MAP4: variants seen among roughly 807,000 people sequenced by gnomAD.
MAP4 encodes microtubule-associated protein 4.
Under a neutral mutation model 170.2 loss-of-function variants are expected in MAP4, and 76 were observed. That is an observed-to-expected ratio of 0.45 (90% CI 0.37 to 0.54). The LOEUF is 0.54. Ranked by LOEUF, MAP4 falls within the 20% of genes least tolerant of loss-of-function variation. The probability of loss-of-function intolerance (pLI) is 0.00; values close to 1 mark genes in which losing one functional copy is unlikely to be tolerated. For synonymous variants in MAP4, 909 were observed against 994.5 expected, an observed-to-expected ratio of 0.91 and a Z score of 1.62; for missense variants, 2,506 against 2,748.0, an observed-to-expected ratio of 0.91 and a Z score of 1.97.
intron 3 of MAP4, chr3:47,973,083 G>C (rs1456293436): frequency 1.0e-6 from 1 of 980,598 alleles, no homozygotes; most frequent in African/African-American, 1.8e-5. Flanking sequence ...AGTCCATAAG[G>C]TGTTAATGTA....
intron 1 of MAP4, among the ~76,000 whole-genome samples, chr3:48,008,555 G>A (rs1366383864): frequency 6.6e-6 from 1 of 152,230 alleles, no homozygotes; most frequent in Non-Finnish European, 1.5e-5. Flanking sequence ...CAGGGACTTG[G>A]AAGGAGCATG....
chr3:48,063,700 T>C (rs1403780632), intron 1 of MAP4, among the ~76,000 whole-genome samples: 3 of 152,056 alleles, frequency 2.0e-5, no homozygotes, highest in Non-Finnish European at 4.4e-5. Flanking sequence ...CAAAAAGACA[T>C]TGAGAAACCT....
intron 10 of MAP4, among the ~76,000 whole-genome samples, chr3:47,899,524 CTCTA>C (rs2100028907): frequency 6.6e-6 from 1 of 152,204 alleles, no homozygotes; most frequent in Non-Finnish European, 1.5e-5. Flanking sequence ...TATCATAATA[CTCTA>C]TCTCTTTTTA....
At chr3:48,061,868 C>T (rs1332890387) in intron 1 of MAP4, among the ~76,000 whole-genome samples, 4 of 150,386 alleles carry the variant, frequency 2.7e-5, no homozygotes, top group African/African-American at 9.8e-5. Flanking sequence ...GCCAGCCACC[C>T]CGTCCGGGAG....
chr3:48,042,840 T>C (rs2100122368), intron 1 of MAP4, among the ~76,000 whole-genome samples: 1 of 152,224 alleles, frequency 6.6e-6, no homozygotes, highest in Admixed American at 6.5e-5. Flanking sequence ...AAAGTCCTAA[T>C]ACATGCTACA....
chr3:47,945,617 T>C (rs1338591808), intron 3 of MAP4, among the ~76,000 whole-genome samples: 2 of 152,122 alleles, frequency 1.3e-5, no homozygotes, highest in African/African-American at 2.4e-5. Context: ...TGAGTTTTTC[T>C]TAAAAGATGC....
At chr3:48,034,905 T>C (rs1325559576) in intron 1 of MAP4, among the ~76,000 whole-genome samples, 1 of 151,652 alleles carries the variant, frequency 6.6e-6, no homozygotes, top group Non-Finnish European at 1.5e-5. Flanking sequence ...CCCAGCTCCT[T>C]GGGAGGCTGA....
chr3:47,945,985 AG>A (rs1257344272), intron 3 of MAP4, among the ~76,000 whole-genome samples: 2 of 151,912 alleles, frequency 1.3e-5, no homozygotes, highest in African/African-American at 4.8e-5. Flanking sequence ...CCCAGGCTGG[AG>A]TGCAGTGGCA....
chr3:48,044,430 C>T (rs1186260280), intron 1 of MAP4, among the ~76,000 whole-genome samples: 2 of 150,308 alleles, frequency 1.3e-5, no homozygotes, highest in Non-Finnish European at 3.0e-5. Context: ...GCTGGGATTA[C>T]AGGCGTAAGC....
intron 1 of MAP4, among the ~76,000 whole-genome samples, chr3:48,054,647 A>T (rs2154551651): frequency 6.7e-6 from 1 of 149,588 alleles, no homozygotes; most frequent in East Asian, 2.0e-4. Flanking sequence ...AAAAAAAAAA[A>T]AAAAAAAAAA....
chr3:47,931,886 T>G (rs1286295919), intron 3 of MAP4: 1 of 151,710 alleles, frequency 6.6e-6, no homozygotes, highest in Non-Finnish European at 1.5e-5. Context: ...ACTGAACAAT[T>G]GAGATAACTC....
intron 1 of MAP4, among the ~76,000 whole-genome samples, chr3:48,037,698 A>G (rs530654022): frequency 6.6e-6 from 1 of 152,226 alleles, no homozygotes; most frequent in East Asian, 1.9e-4. Flanking sequence ...CCCAGCTTCA[A>G]TATTTTCAGT....
At chr3:47,894,961 G>A (rs778532330) in intron 10 of MAP4, among the ~76,000 whole-genome samples, 4 of 151,694 alleles carry the variant, frequency 2.6e-5, no homozygotes, top group Non-Finnish European at 5.9e-5. Context: ...AGTAAGTCAA[G>A]GCTGCAGTGG....
intron 3 of MAP4, among the ~76,000 whole-genome samples, chr3:47,935,800 G>A (rs1417416617): frequency 6.6e-6 from 1 of 151,702 alleles, no homozygotes; most frequent in Non-Finnish European, 1.5e-5. Flanking sequence ...AGCCGGGGGT[G>A]TGGTGACGTA....
intron 3 of MAP4, chr3:47,973,097 T>C: frequency 1.0e-6 from 1 of 980,478 alleles, no homozygotes; most frequent in Non-Finnish European, 1.2e-6. Flanking sequence ...TAATGTAAGA[T>C]GTTTATTAGT....
At chr3:47,932,495 T>C (rs1258140167) in intron 3 of MAP4, among the ~76,000 whole-genome samples, 1 of 152,216 alleles carries the variant, frequency 6.6e-6, no homozygotes, top group African/African-American at 2.4e-5. Context: ...TTTGAGACAC[T>C]GCCAAACTGT....
chr3:47,962,677 G>A (rs187605059), intron 3 of MAP4, among the ~76,000 whole-genome samples: 6 of 152,246 alleles, frequency 3.9e-5, no homozygotes, highest in Admixed American at 1.3e-4. Context: ...ATAGGAAAGA[G>A]TGGAAGAAAA....
chr3:48,011,620 T>C (rs1311416502), intron 1 of MAP4, among the ~76,000 whole-genome samples: 1 of 151,784 alleles, frequency 6.6e-6, no homozygotes, highest in Non-Finnish European at 1.5e-5. Context: ...CAGACGAATG[T>C]GGGTGGGAAG....
intron 9 of MAP4, among the ~76,000 whole-genome samples, chr3:47,904,097 G>A (rs1038706435): frequency 6.6e-6 from 1 of 152,130 alleles, no homozygotes; most frequent in Admixed American, 6.5e-5. Flanking sequence ...TCTGAAGCAA[G>A]TCTAAGAAAA....
Sources: gnomAD v4.1 joint callset for allele counts (sites outside exome capture counted in the v4.1 genomes callset) on GRCh38, gnomAD v4.1.1 for gene constraint, MANE v1.5 for transcripts, NCBI Gene and HGNC (gene_info 2026-07-23, HGNC 2026-07-21) for gene names.